The following SBNO1 variants were observed in gnomAD, a reference collection of about 807,000 sequenced individuals.
SBNO1 encodes the protein strawberry notch homolog 1.
A neutral mutation model predicts 173.6 loss-of-function variants in SBNO1; 23 were observed. The ratio of observed to expected loss-of-function variants is 0.13; its 90% CI spans 0.10 to 0.19. SBNO1 has a LOEUF of 0.19. Among genes scored for constraint, SBNO1 ranks in the 10% least tolerant of loss-of-function variants. The pLI, the probability that SBNO1 is intolerant of heterozygous loss-of-function variation, is 1.00. For synonymous variants in SBNO1, 632 were observed against 571.5 expected (o/e 1.11, Z -1.51); for missense variants, 1,238 against 1,671.2 (o/e 0.74, Z 4.52).
intron 25 of SBNO1, 76 bp from the exon 26 acceptor site, chr12:123,309,932 TC>T: frequency 9.0e-7 from 1 of 1,108,698 alleles, no homozygotes; most frequent in Non-Finnish European, 1.3e-6. Flanking sequence ...TTAGTTCAAG[TC>T]CCACTTTCTC....
At position 123,293,899 on chromosome 12, in the gene SBNO1, G is replaced by C. The variant is rs1049261374; in HGVS notation, c.*2009C>G. The stretch of plus-strand genomic sequence containing the variant: ...GCTTCCCCACTTCCTCAGGTCCAGC[G>C]ACTGCACCTCCACCACTGGAGTGGG... On this transcript the variant is annotated 3_prime_UTR_variant, in exon 32 of 32. Transcript: ENST00000602398. 2 of 149,816 alleles carry C rather than the reference G, an allele frequency of 1.3e-5. No homozygotes were observed. Among genetic ancestry groups the C allele is most frequent in the African/African-American group, 2.5e-5 (1 of 40,812 alleles). The allele number at this position is 149,816 out of a possible 1,614,324, so 9.3% of individuals were successfully genotyped here.
intron 20 of SBNO1, among the ~76,000 whole-genome samples, chr12:123,318,935 G>C (rs1348540684): frequency 6.6e-6 from 1 of 150,418 alleles, no homozygotes; most frequent in Non-Finnish European, 1.5e-5. Context: ...AATGACATTA[G>C]ATGTCACAAC....
At chr12:123,352,935 C>G (rs1874054130) in intron 1 of SBNO1, among the ~76,000 whole-genome samples, 1 of 152,112 alleles carries the variant, frequency 6.6e-6, no homozygotes, top group South Asian at 2.1e-4. Flanking sequence ...GTAGCTGGGA[C>G]TACAGCCGCC....
chr12:123,356,840 GGT>G (rs1874518280), intron 1 of SBNO1, among the ~76,000 whole-genome samples: 1 of 152,144 alleles, frequency 6.6e-6, no homozygotes, highest in African/African-American at 2.4e-5. Context: ...AGAATAAACT[GGT>G]GGACATTTTT....
At chr12:123,331,209 C>A in intron 8 of SBNO1, 33 bp downstream of exon 8, 1 of 1,606,974 alleles carries the variant, frequency 6.2e-7, no homozygotes, top group Non-Finnish European at 8.5e-7. Flanking sequence ...TGATCCGCTG[C>A]GCCTGGCCCA....
chr12:123,308,765 C>T (rs1173023653), intron 28 of SBNO1, among the ~76,000 whole-genome samples: 8 of 151,928 alleles, frequency 5.3e-5, no homozygotes, highest in African/African-American at 1.7e-4. Flanking sequence ...GTCAGGAGTT[C>T]GAGACCAGCC....
intron 1 of SBNO1, 39 bp downstream of exon 1, chr12:123,364,662 G>A (rs891586407): frequency 1.0e-5 from 10 of 983,384 alleles, no homozygotes; most frequent in South Asian, 9.4e-5. Context: ...TCCGGGAGGG[G>A]GAGTGTGGAA....
chr12:123,298,204 G>A (rs1281925091), intron 30 of SBNO1, 33 bp from the exon 31 acceptor site: 1 of 1,563,040 alleles, frequency 6.4e-7, no homozygotes, highest in Non-Finnish European at 8.7e-7. Context: ...ACATATGAGT[G>A]TCTATATATG....
At chr12:123,335,517 T>C (rs1340163439) in intron 6 of SBNO1, among the ~76,000 whole-genome samples, 3 of 152,094 alleles carry the variant, frequency 2.0e-5, no homozygotes, top group East Asian at 3.8e-4. Flanking sequence ...AACAACCAAG[T>C]CCCCAAAATG....
intron 6 of SBNO1, among the ~76,000 whole-genome samples, chr12:123,335,486 G>A (rs1452911172): frequency 6.6e-6 from 1 of 152,158 alleles, no homozygotes; most frequent in African/African-American, 2.4e-5. Context: ...GTATTCGAAA[G>A]ACAACTTGGC....
chr12:123,326,192 C>A lies in SBNO1; in HGVS notation c.1835G>T (p.Arg612Met). ...KYLCIASKVK[R>M]VVQLAREEIK... ...TTCCTCTCGAGCTAGTTGCACAACC[C>A]TTTTAACTTTGGATGCTATGCATAA... is the stretch of plus-strand genomic sequence containing the variant. Residue 612 changes from arginine to methionine, a missense_variant, in exon 14 of 32, where the codon AGG (arginine) becomes ATG (methionine). Physicochemically the swap from Arg to Met is moderately conservative, Grantham distance 91. Coordinates refer to ENST00000602398, the MANE Select transcript of SBNO1 (RefSeq NM_001167856.3). The A allele has an allele frequency of 6.2e-7, 1 of 1,612,050 alleles. No individual in the cohort carries two copies. Among genetic ancestry groups the A allele is most frequent in the Non-Finnish European group, 8.5e-7 (1 of 1,178,760 alleles).
intron 31 of SBNO1, among the ~76,000 whole-genome samples, chr12:123,296,555 G>GTTTTT (rs35125710): frequency 2.1e-5 from 3 of 140,422 alleles, no homozygotes. Context: ...ATATATATGT[G>GTTTTT]TTTTTTTTTT....
intron 1 of SBNO1, chr12:123,364,287 G>A: frequency 1.0e-6 from 1 of 985,630 alleles, no homozygotes; most frequent in Non-Finnish European, 1.2e-6. Context: ...GAAGGATCCG[G>A]TCCTTACTTT....
chr12:123,317,576 T>G (rs2138953298), intron 20 of SBNO1, among the ~76,000 whole-genome samples: 1 of 152,268 alleles, frequency 6.6e-6, no homozygotes, highest in Middle Eastern at 3.4e-3. Flanking sequence ...TCCTTAAAAG[T>G]AGGCGACATG....
chr12:123,356,219 T>C (rs1874441850), intron 1 of SBNO1, among the ~76,000 whole-genome samples: 1 of 152,170 alleles, frequency 6.6e-6, no homozygotes, highest in African/African-American at 2.4e-5. Flanking sequence ...CTTAAAATAA[T>C]ACAAATAGAA....
intron 19 of SBNO1, 62 bp from the exon 20 acceptor site, chr12:123,320,093 C>T (rs984296935): frequency 1.9e-6 from 3 of 1,574,168 alleles, no homozygotes; most frequent in East Asian, 2.2e-5. Flanking sequence ...GGACTCAGTG[C>T]CTCTTTCCTT....
At chr12:123,355,710 C>A (rs941078698) in intron 1 of SBNO1, among the ~76,000 whole-genome samples, 1 of 152,110 alleles carries the variant, frequency 6.6e-6, no homozygotes, top group African/African-American at 2.4e-5. Context: ...TTGAGCCTAG[C>A]AGGTCGAAGC....
At chr12:123,360,927 A>G (rs1421566144) in intron 1 of SBNO1, among the ~76,000 whole-genome samples, 3 of 152,038 alleles carry the variant, frequency 2.0e-5, no homozygotes, top group Admixed American at 1.3e-4. Context: ...CCTGGCCAAC[A>G]TGGTGAAGCC....
chr12:123,336,253 C>T lies in SBNO1; in HGVS notation c.748+142G>A, dbSNP rs1253224192. The T allele has an allele frequency of 2.3e-5, 14 of 597,556 alleles. No homozygotes were observed. The East Asian group carries it at 4.0e-4, about 17-fold the overall frequency. The allele number at this position is 597,556 out of a possible 1,614,324, so 37.0% of individuals were successfully genotyped here. ...CCTATGAACAAAATTAAAATAAAAT[C>T]CAAGCTTCTTTAGTTTTGGTTTTAA... On this transcript the variant is annotated intron_variant, in intron 6 of 31. Transcript: ENST00000602398.
Sources: gnomAD v4.1 joint callset for allele counts (sites outside exome capture counted in the v4.1 genomes callset) on GRCh38, gnomAD v4.1.1 for gene constraint, MANE v1.5 for transcripts, NCBI Gene and HGNC (gene_info 2026-07-23, HGNC 2026-07-21) for gene names.